The following ANK2 variants were observed in gnomAD, a reference collection of about 807,000 sequenced individuals.
ANK2 encodes the protein ankyrin 2.
In ANK2, 83 loss-of-function variants were observed where a neutral mutation model predicts 360.5. The observed-to-expected ratio is 0.23, with a 90% CI of 0.19 to 0.28. ANK2 has a LOEUF of 0.28. ANK2 is among the 10% of genes least tolerant of loss of function. ANK2 has a pLI of 1.00. For missense variants in ANK2, 4,201 were observed against 4,795.7 expected (o/e 0.88, Z 3.66); for synonymous variants, 1,740 against 1,759.5 (o/e 0.99, Z 0.28).
chr4:113,332,008 T>C lies in ANK2; in HGVS notation c.3162T>C (p.Asn1054=). The C allele has an allele frequency of 1.2e-6, 2 of 1,614,178 alleles. No individual in the cohort carries two copies. The highest frequency in any genetic ancestry group is 1.7e-6 in the Non-Finnish European group (2 of 1,180,024). ...LHLPTAPPPL[N]EGESLVSRIL... Reference sequence around the variant, plus strand: ...TGCCAACGGCTCCTCCCCCACTTAATGAGGGAGAAAGTTTGGTCAGCCGCA... The same window carrying C: ...TGCCAACGGCTCCTCCCCCACTTAACGAGGGAGAAAGTTTGGTCAGCCGCA... The change falls in exon 28 of 46, where the codon AAT becomes AAC. Residue 1054 remains asparagine, a synonymous_variant. Coordinates refer to ENST00000357077, the MANE Select transcript of ANK2 (RefSeq NM_001148.6).
intron 2 of ANK2, among the ~76,000 whole-genome samples, chr4:112,939,205 C>T (rs1221957427): frequency 6.6e-6 from 1 of 152,078 alleles, no homozygotes; most frequent in Non-Finnish European, 1.5e-5. Context: ...GTTTGCTTGC[C>T]TCTTAGAAAT....
Position 113,367,618 on chromosome 4 carries a change from G to C in ANK2, c.11085G>C (p.Glu3695Asp). 1 of 1,613,770 alleles carries C rather than the reference G, an allele frequency of 6.2e-7. No homozygotes were observed. The highest frequency in any genetic ancestry group is 8.5e-7 in the Non-Finnish European group (1 of 1,179,954). ...GCACTGCACAGCACAAGCAGAAAGA[G>C]GAGCAAGCTGTTTCTAAAGAAAGTG... is the stretch of plus-strand genomic sequence containing the variant. ...ELCTAQHKQK[E>D]EQAVSKESET... The change falls in exon 42 of 46, where the codon GAG becomes GAC. Residue 3695 changes from glutamate to aspartate, a missense_variant. This residue lies in a region of ANK2 where 2,642 missense variants were observed against 2,714.5 expected (regional missense o/e 0.97). Coordinates refer to ENST00000357077, the MANE Select transcript of ANK2 (RefSeq NM_001148.6).
intron 1 of ANK2, among the ~76,000 whole-genome samples, chr4:113,107,365 T>A (rs13111383): frequency 6.6e-6 from 1 of 151,980 alleles, no homozygotes; most frequent in Admixed American, 6.6e-5. Flanking sequence ...TACAGGCACA[T>A]GCCACCATGC....
intron 2 of ANK2, among the ~76,000 whole-genome samples, chr4:113,025,533 A>C (rs1204910011): frequency 1.3e-5 from 2 of 152,196 alleles, no homozygotes; most frequent in Non-Finnish European, 2.9e-5. Context: ...TGTTCCTTCT[A>C]TTCAAAACCT....
At chr4:112,825,288 G>A (rs1012697915) in intron 1 of ANK2, among the ~76,000 whole-genome samples, 3 of 151,792 alleles carry the variant, frequency 2.0e-5, no homozygotes, top group Admixed American at 2.0e-4. Context: ...GTATACATAT[G>A]TAACAAACCT....
chr4:112,937,687 A>G (rs573617319), intron 2 of ANK2, among the ~76,000 whole-genome samples: 4 of 152,316 alleles, frequency 2.6e-5, no homozygotes, highest in South Asian at 2.1e-4. Flanking sequence ...CCTTGCCTGA[A>G]GCAGTTACAT....
At chr4:113,023,859 C>T (rs1286967850) in intron 2 of ANK2, among the ~76,000 whole-genome samples, 1 of 152,058 alleles carries the variant, frequency 6.6e-6, no homozygotes, top group Non-Finnish European at 1.5e-5. Flanking sequence ...TTGATTTAAT[C>T]GTATGTATTT....
intron 17 of ANK2, among the ~76,000 whole-genome samples, 181 bp from the exon 18 acceptor site, chr4:113,282,493 AC>A (rs887977687): frequency 2.0e-5 from 3 of 152,162 alleles, no homozygotes; most frequent in African/African-American, 4.8e-5. Context: ...GTGCCTTGTG[AC>A]TTTTATTGTA....
At chr4:113,002,606 C>T (rs1359657689) in intron 2 of ANK2, among the ~76,000 whole-genome samples, 2 of 152,208 alleles carry the variant, frequency 1.3e-5, no homozygotes, top group Non-Finnish European at 2.9e-5. Flanking sequence ...ATTTCTTGAT[C>T]TCCACCTGTA....
chr4:112,728,122 G>A, the ANK2 span, among the ~76,000 whole-genome samples: 1 of 151,190 alleles, frequency 6.6e-6, no homozygotes, highest in African/African-American at 2.4e-5. Context: ...GTGAAACCCC[G>A]TCTCTACTAA....
At chr4:113,163,038 C>T (rs1057458515) in intron 1 of ANK2, among the ~76,000 whole-genome samples, 3 of 152,052 alleles carry the variant, frequency 2.0e-5, no homozygotes, top group Non-Finnish European at 4.4e-5. Flanking sequence ...CTAGATCCTT[C>T]CAGTAATTTA....
chr4:112,994,477 A>G (rs1393199374), intron 2 of ANK2, among the ~76,000 whole-genome samples: 1 of 152,204 alleles, frequency 6.6e-6, no homozygotes, highest in East Asian at 1.9e-4. Flanking sequence ...AGAATAAGCT[A>G]AAAAGTATTG....
chr4:112,962,444 T>C (rs549236777), intron 2 of ANK2, among the ~76,000 whole-genome samples: 1 of 152,312 alleles, frequency 6.6e-6, no homozygotes, highest in South Asian at 2.1e-4. Context: ...CAATCCACTG[T>C]TGATGGCCAC....
At chr4:112,777,230 TTTTA>T in the ANK2 span, among the ~76,000 whole-genome samples, 7 of 151,884 alleles carry the variant, frequency 4.6e-5, no homozygotes, top group Non-Finnish European at 8.8e-5. Context: ...CCAAGTAAAT[TTTTA>T]TTTATTTATT....
intron 10 of ANK2, among the ~76,000 whole-genome samples, chr4:113,255,329 A>T (rs1386760210): frequency 1.3e-5 from 2 of 152,144 alleles, no homozygotes; most frequent in South Asian, 4.1e-4. Flanking sequence ...TCATTCACCC[A>T]CTTCCCTCTG....
intron 5 of ANK2, 114 bp downstream of exon 5, chr4:113,232,373 G>A: frequency 1.2e-6 from 1 of 831,000 alleles, no homozygotes. Context: ...GAATGTTCAT[G>A]TTACTATTAT....
At chr4:113,284,941 A>G (rs1290686237) in intron 18 of ANK2, among the ~76,000 whole-genome samples, 4 of 152,180 alleles carry the variant, frequency 2.6e-5, no homozygotes, top group Non-Finnish European at 5.9e-5. Context: ...CAACTCAATA[A>G]TTTCATAGTC....
chr4:113,197,959 G>C (rs1308779544), intron 3 of ANK2, among the ~76,000 whole-genome samples: 2 of 152,112 alleles, frequency 1.3e-5, no homozygotes, highest in Admixed American at 6.5e-5. Flanking sequence ...ACTCACAGGA[G>C]CCTAGGAGTT....
intron 1 of ANK2, among the ~76,000 whole-genome samples, chr4:113,099,204 A>G (rs2092330759): frequency 6.6e-6 from 1 of 151,984 alleles, no homozygotes; most frequent in African/African-American, 2.4e-5. Flanking sequence ...GAAAAAAGAA[A>G]TAAAACTCTC....
Sources: gnomAD v4.1 joint callset for allele counts (sites outside exome capture counted in the v4.1 genomes callset) on GRCh38, gnomAD v4.1.1 for gene constraint, gnomAD v4.1.1 regional missense constraint, MANE v1.5 for transcripts, NCBI Gene and HGNC (gene_info 2026-07-23, HGNC 2026-07-21) for gene names.